Variants in CTNNA3 observed in about 807,000 individuals in gnomAD.
CTNNA3 encodes the protein catenin alpha 3, also known as catenin alpha-3.
CTNNA3 carries 76 observed loss-of-function variants against 95.7 expected under a neutral mutation model. The ratio of observed to expected loss-of-function variants is 0.79; its 90% confidence interval spans 0.66 to 0.96. The LOEUF is 0.96. Among genes scored for constraint, CTNNA3 ranks in the 40% least tolerant of loss-of-function variants. CTNNA3 has a pLI of 0.00. For missense variants in CTNNA3, 1,191 were observed against 1,089.8 expected, an observed-to-expected ratio of 1.09 and a Z score of -1.31; for synonymous variants, 431 against 374.4, an observed-to-expected ratio of 1.15 and a Z score of -1.74.
intron 5 of CTNNA3, among the ~76,000 whole-genome samples, chr10:67,520,086 T>C (rs756588332): frequency 2.0e-5 from 3 of 152,200 alleles, no homozygotes; most frequent in Non-Finnish European, 2.9e-5. Context: ...TTTTCTCATC[T>C]GTAAAATGGT....
chr10:66,053,908 T>G (rs2080016499), intron 15 of CTNNA3, among the ~76,000 whole-genome samples: 1 of 152,148 alleles, frequency 6.6e-6, no homozygotes, highest in South Asian at 2.1e-4. Context: ...CATCTCATTT[T>G]TCTCTTAACT....
chr10:66,274,913 G>C (rs1024877881), intron 13 of CTNNA3, among the ~76,000 whole-genome samples: 10 of 151,842 alleles, frequency 6.6e-5, no homozygotes, highest in African/African-American at 2.2e-4. Context: ...TTTTTTTAAT[G>C]TTGTATTATA....
At chr10:67,323,828 T>C (rs1356387670) in intron 5 of CTNNA3, among the ~76,000 whole-genome samples, 2 of 152,226 alleles carry the variant, frequency 1.3e-5, no homozygotes, top group African/African-American at 4.8e-5. Context: ...TGATTCTTCC[T>C]GTCCATGAGC....
intron 5 of CTNNA3, among the ~76,000 whole-genome samples, chr10:67,478,907 T>A (rs879860423): frequency 5.4e-5 from 8 of 148,836 alleles, no homozygotes; most frequent in Admixed American, 5.4e-4. Flanking sequence ...GGCTACCAAG[T>A]AATGAGTTGG....
In CTNNA3 at chr10:66,970,543, A is replaced by G. The variant is rs761174796; in HGVS notation, c.1048-195019T>C. Among the ~76,000 whole-genome samples the G allele has an allele frequency of 3.1e-4, 47 of 151,690 alleles. 1 individual carries two copies. Among genetic ancestry groups the G allele is most frequent in the Non-Finnish European group, 2.1e-4 (14 of 67,918 alleles). ...TTCTTCTATTAGGGAAATTTTTATCACCTACTTATTTTTACATAAATTCTA... is the reference window on the plus strand; with the variant it reads ...TTCTTCTATTAGGGAAATTTTTATCGCCTACTTATTTTTACATAAATTCTA... On this transcript the variant is annotated intron_variant, in intron 7 of 17. Coordinates refer to ENST00000433211, the MANE Select transcript of CTNNA3 (RefSeq NM_013266.4).
At chr10:65,963,728 T>C (rs1161225105) in intron 17 of CTNNA3, among the ~76,000 whole-genome samples, 1 of 152,188 alleles carries the variant, frequency 6.6e-6, no homozygotes, top group Non-Finnish European at 1.5e-5. Flanking sequence ...TTCATAGTAA[T>C]GGATTTGAAT....
rs1348969704 is a variant in CTNNA3 at position 66,266,004 on chromosome 10, A to T, written c.1884+14466T>A. On this transcript the variant is annotated intron_variant, in intron 13 of 17. Coordinates refer to ENST00000433211, the MANE Select transcript of CTNNA3 (RefSeq NM_013266.4). ...CAAAATAAGTGAATAAAAAGACAAT[A>T]AATGGATAAAAGAAAAAGAAAGAAA... is the stretch of plus-strand genomic sequence containing the variant. Among the ~76,000 whole-genome samples the T allele has an allele frequency of 2.0e-5, 3 of 151,726 alleles. No homozygotes were observed. In the Admixed American group the frequency reaches 2.0e-4, roughly 10 times the overall value.
intron 13 of CTNNA3, among the ~76,000 whole-genome samples, chr10:66,270,460 C>G (rs10997023): frequency 0.27 from 41,000 of 151,972 alleles, 6,204 homozygotes; most frequent in African/African-American, 0.4. Flanking sequence ...CCTGCCTCAG[C>G]CTTCCAAAGT....
At chr10:66,935,291 G>A (rs1174680939) in intron 7 of CTNNA3, among the ~76,000 whole-genome samples, 1 of 152,028 alleles carries the variant, frequency 6.6e-6, no homozygotes, top group Non-Finnish European at 1.5e-5. Flanking sequence ...TTACAACAGT[G>A]AAACCTCTCT....
chr10:67,753,331 T>C (rs1319319120), intron 1 of CTNNA3, among the ~76,000 whole-genome samples: 1 of 152,224 alleles, frequency 6.6e-6, no homozygotes, highest in East Asian at 1.9e-4. Context: ...TAAAGATGGA[T>C]TAAAGACTTA....
At chr10:66,744,278 C>A (rs1158118743) in intron 9 of CTNNA3, among the ~76,000 whole-genome samples, 1 of 151,960 alleles carries the variant, frequency 6.6e-6, no homozygotes, top group East Asian at 1.9e-4. Context: ...GTTTTTATTC[C>A]TTTGAATTGG....
At chr10:65,986,385 T>C (rs1047017072) in intron 16 of CTNNA3, among the ~76,000 whole-genome samples, 3 of 148,322 alleles carry the variant, frequency 2.0e-5, no homozygotes, top group Non-Finnish European at 4.5e-5. Context: ...GGATATCAAA[T>C]CAACCTGCAA....
intron 3 of CTNNA3, among the ~76,000 whole-genome samples, chr10:67,560,071 T>C (rs868008694): frequency 9.2e-5 from 14 of 152,196 alleles, no homozygotes; most frequent in Middle Eastern, 3.4e-3. Context: ...CTGCAGGATA[T>C]TATCCAGGAG....
At chr10:66,439,571 G>A (rs890778945) in intron 11 of CTNNA3, among the ~76,000 whole-genome samples, 3 of 151,900 alleles carry the variant, frequency 2.0e-5, no homozygotes, top group African/African-American at 7.3e-5. Context: ...GAAAAATGAA[G>A]CAAATAAAAA....
intron 5 of CTNNA3, among the ~76,000 whole-genome samples, chr10:67,513,062 A>G (rs923716124): frequency 1.4e-4 from 22 of 152,278 alleles, no homozygotes; most frequent in African/African-American, 5.3e-4. Flanking sequence ...CTGGCACCTC[A>G]CCGCCTAATA....
At chr10:67,586,776 C>G (rs1414839269) in intron 3 of CTNNA3, among the ~76,000 whole-genome samples, 1 of 151,880 alleles carries the variant, frequency 6.6e-6, no homozygotes, top group Non-Finnish European at 1.5e-5. Flanking sequence ...AGCAGGTAGT[C>G]CATTTATGTT....
At chr10:66,439,835 C>CA (rs1230771069) in intron 11 of CTNNA3, among the ~76,000 whole-genome samples, 6 of 152,050 alleles carry the variant, frequency 3.9e-5, no homozygotes, top group Middle Eastern at 3.4e-3. Flanking sequence ...AAAATGTCAA[C>CA]AAAAAAATCA....
intron 17 of CTNNA3, among the ~76,000 whole-genome samples, chr10:65,926,518 C>T (rs2077171136): frequency 6.6e-6 from 1 of 150,386 alleles, no homozygotes; most frequent in Non-Finnish European, 1.5e-5. Context: ...CTCTTGTTGC[C>T]CAGGCTGGAG....
intron 5 of CTNNA3, among the ~76,000 whole-genome samples, chr10:67,482,593 T>C (rs188828221): frequency 0.017 from 2,583 of 152,292 alleles, 75 homozygotes; most frequent in African/African-American, 0.057. Context: ...TTTTGTACAT[T>C]GATTTTGTAT....
Sources: allele counts gnomAD v4.1 joint callset (sites outside exome capture counted in the v4.1 genomes callset), GRCh38; gene constraint gnomAD v4.1.1; transcripts MANE v1.5; gene names NCBI Gene and HGNC (gene_info 2026-07-23, HGNC 2026-07-21).